TBC1D19: variants seen among roughly 807,000 people sequenced by gnomAD.
TBC1D19 encodes the protein TBC1 domain family, member 19.
TBC1D19 carries 60 observed loss-of-function variants against 89.0 expected under a neutral mutation model. The ratio of observed to expected loss-of-function variants is 0.67; its 90% CI spans 0.55 to 0.84. TBC1D19 has a LOEUF of 0.84. Ranked by LOEUF, TBC1D19 falls within the 40% of genes least tolerant of loss-of-function variation. The pLI is 0.00. For synonymous variants in TBC1D19, 189 were observed against 199.7 expected (o/e 0.95, Z 0.45); for missense variants, 500 against 610.8 (o/e 0.82, Z 1.91).
At chr4:26,714,762 C>T (rs895575317) in intron 13 of TBC1D19, among the ~76,000 whole-genome samples, 1 of 151,982 alleles carries the variant, frequency 6.6e-6, no homozygotes, top group African/African-American at 2.4e-5. Flanking sequence ...AACAGTTTAC[C>T]TTTTCTAGAA....
At chr4:26,804,684 C>T in the TBC1D19 span, among the ~76,000 whole-genome samples, 2 of 152,206 alleles carry the variant, frequency 1.3e-5, no homozygotes, top group Non-Finnish European at 2.9e-5. Context: ...GCCGCGGAGG[C>T]GGCGGGCCCG....
chr4:26,718,053 T>G lies in TBC1D19; in HGVS notation c.1039+36T>G, dbSNP rs1349225601. 6.1e-6 allele frequency: 9 copies of G among 1,471,828 alleles called. No homozygotes were observed. The Admixed American group carries it at 1.4e-4, about 23-fold the overall frequency. The allele number at this position is 1,471,828 out of a possible 1,614,324, so 91.2% of individuals were successfully genotyped here. A position where few individuals can be genotyped will look rare whatever the true frequency, so the allele number is the denominator to read the frequency against. On this transcript the variant is annotated intron_variant, in intron 14 of 20. Coordinates refer to ENST00000264866, the MANE Select transcript of TBC1D19 (RefSeq NM_018317.4). ...AATAATTTTAAGGAAGTATTAAGAC[T>G]TACATAATCATGCCAAGAATATTTG...
At chr4:26,855,799 A>G in the TBC1D19 span, among the ~76,000 whole-genome samples, 5 of 152,090 alleles carry the variant, frequency 3.3e-5, no homozygotes, top group Admixed American at 2.6e-4. Flanking sequence ...GCTGTAGGGA[A>G]CCCCTTGGCA....
chr4:26,641,796 A>T (rs1009018328), intron 7 of TBC1D19, among the ~76,000 whole-genome samples: 17 of 152,366 alleles, frequency 1.1e-4, no homozygotes, highest in Admixed American at 9.8e-4. Flanking sequence ...AAGCTTCAGT[A>T]GCCGATTCGA....
chr4:26,680,166 G>A (rs1713206096), intron 11 of TBC1D19, among the ~76,000 whole-genome samples: 1 of 152,096 alleles, frequency 6.6e-6, no homozygotes, highest in African/African-American at 2.4e-5. Context: ...ACGGCCATGT[G>A]GAAGTGTGAA....
upstream of TBC1D19, among the ~76,000 whole-genome samples, chr4:26,579,808 C>T (rs1739033647): frequency 6.6e-6 from 1 of 151,988 alleles, no homozygotes. Flanking sequence ...TGGCTTCCAA[C>T]TTCATCTTCT....
chr4:26,596,086 A>T (rs1390391359), intron 1 of TBC1D19, among the ~76,000 whole-genome samples: 1 of 151,962 alleles, frequency 6.6e-6, no homozygotes, highest in Non-Finnish European at 1.5e-5. Flanking sequence ...CCTCTAGAGT[A>T]GCTGGGATTA....
chr4:26,590,260 A>G (rs1281295037), intron 1 of TBC1D19, among the ~76,000 whole-genome samples: 1 of 152,176 alleles, frequency 6.6e-6, no homozygotes, highest in African/African-American at 2.4e-5. Context: ...AGAATGTATG[A>G]TTTTTGAATA....
the TBC1D19 span, among the ~76,000 whole-genome samples, chr4:26,792,697 C>T: frequency 6.6e-6 from 1 of 152,186 alleles, no homozygotes; most frequent in African/African-American, 2.4e-5. Context: ...TTTATAAGTA[C>T]TCTATTCTCT....
chr4:26,796,855 T>C, the TBC1D19 span, among the ~76,000 whole-genome samples: 1 of 152,082 alleles, frequency 6.6e-6, no homozygotes, highest in African/African-American at 2.4e-5. Context: ...TTACCTAGGC[T>C]GGAAGGTAAA....
At chr4:26,708,971 C>T (rs1242940590) in intron 13 of TBC1D19, among the ~76,000 whole-genome samples, 1 of 151,074 alleles carries the variant, frequency 6.6e-6, no homozygotes, top group Non-Finnish European at 1.5e-5. Context: ...TTTTCAAGGA[C>T]AGTTGTCAAT....
chr4:26,741,455 T>G (rs911846522), intron 17 of TBC1D19, among the ~76,000 whole-genome samples: 2 of 152,144 alleles, frequency 1.3e-5, no homozygotes, highest in Non-Finnish European at 1.5e-5. Flanking sequence ...TATGCCATTT[T>G]ATGCTTCAGA....
chr4:26,760,442 T>A (rs1376852178), downstream of TBC1D19, among the ~76,000 whole-genome samples: 3 of 152,074 alleles, frequency 2.0e-5, no homozygotes, highest in African/African-American at 7.2e-5. Context: ...GGTGCACACC[T>A]GTAGTTTCAG....
At chr4:26,669,189 C>A (rs1712069240) in intron 9 of TBC1D19, among the ~76,000 whole-genome samples, 1 of 151,624 alleles carries the variant, frequency 6.6e-6, no homozygotes, top group Non-Finnish European at 1.5e-5. Context: ...CATTTTCTTT[C>A]TAAAAGAAAA....
intron 13 of TBC1D19, among the ~76,000 whole-genome samples, chr4:26,696,767 A>C (rs765113925): frequency 6.6e-6 from 1 of 152,256 alleles, no homozygotes; most frequent in Non-Finnish European, 1.5e-5. Context: ...TACTGGGTAC[A>C]TAACGAAATG....
chr4:26,778,841 GA>G, the TBC1D19 span, among the ~76,000 whole-genome samples: 1 of 152,142 alleles, frequency 6.6e-6, no homozygotes, highest in Non-Finnish European at 1.5e-5. Flanking sequence ...CTGGTCTAGA[GA>G]AAAATCTAAA....
intron 13 of TBC1D19, among the ~76,000 whole-genome samples, chr4:26,699,237 A>G (rs1237446144): frequency 5.9e-5 from 9 of 152,256 alleles, no homozygotes; most frequent in Non-Finnish European, 1.5e-5. Context: ...GAAGACATTT[A>G]TGCAGCCAAC....
chr4:26,792,175 T>G, the TBC1D19 span, among the ~76,000 whole-genome samples: 1 of 152,182 alleles, frequency 6.6e-6, no homozygotes, highest in Non-Finnish European at 1.5e-5. Context: ...CTCTTTTTTT[T>G]TTTATCCTGG....
intron 19 of TBC1D19, among the ~76,000 whole-genome samples, chr4:26,750,160 C>T (rs1718871501): frequency 6.6e-6 from 1 of 152,150 alleles, no homozygotes; most frequent in Non-Finnish European, 1.5e-5. Context: ...ATCATGTTTT[C>T]TCTACTCTCA....
Sources: gnomAD v4.1 joint callset for allele counts (sites outside exome capture counted in the v4.1 genomes callset) on GRCh38, gnomAD v4.1.1 for gene constraint, MANE v1.5 for transcripts, NCBI Gene and HGNC (gene_info 2026-07-23, HGNC 2026-07-21) for gene names.